The following TTLL7 variants were observed in gnomAD, a reference collection of about 807,000 sequenced individuals.
The protein encoded by TTLL7 is tubulin polyglutamylase TTLL7.
TTLL7 carries 53 observed loss-of-function variants against 120.2 expected under a neutral mutation model. That is an observed-to-expected ratio of 0.44 (90% CI 0.35 to 0.55). The LOEUF is 0.55. Ranked by LOEUF, TTLL7 falls within the 20% of genes least tolerant of loss-of-function variation. The probability of loss-of-function intolerance (pLI) is 0.00; values close to 1 mark genes in which losing one functional copy is unlikely to be tolerated. For synonymous variants in TTLL7, 353 were observed against 351.7 expected, an observed-to-expected ratio of 1.00 and a Z score of -0.04; for missense variants, 803 against 1,054.7, an observed-to-expected ratio of 0.76 and a Z score of 3.31.
At chr1:83,956,145 T>TTA (rs1409470951) in intron 1 of TTLL7, among the ~76,000 whole-genome samples, 2 of 152,126 alleles carry the variant, frequency 1.3e-5, no homozygotes, top group African/African-American at 2.4e-5. Flanking sequence ...TTTATATTGT[T>TTA]TTTTAGAGAC....
intron 1 of TTLL7, among the ~76,000 whole-genome samples, chr1:83,958,712 T>C (rs571727133): frequency 3.9e-5 from 6 of 152,344 alleles, no homozygotes; most frequent in East Asian, 1.9e-4. Context: ...AAATGAAACA[T>C]GCCACTTTTA....
chr1:83,873,019 A>C (rs1478043438), intron 20 of TTLL7, among the ~76,000 whole-genome samples: 2 of 152,194 alleles, frequency 1.3e-5, no homozygotes, highest in Non-Finnish European at 2.9e-5. Flanking sequence ...ACAATTCTAC[A>C]TAATTATCAT....
At position 83,866,192 on chromosome 1, in the gene TTLL7, AC is replaced by A. The variant is rs1652902888; in HGVS notation, c.*3769del. On this transcript the variant is annotated 3_prime_UTR_variant, in exon 21 of 21. Coordinates refer to ENST00000260505, the MANE Select transcript of TTLL7 (RefSeq NM_024686.6). ...AGGTATTTACTATTTTTTAAAGAATACACATTTAAGAATGAATCAATGTTTT... is the reference window on the plus strand; with the variant it reads ...AGGTATTTACTATTTTTTAAAGAATAACATTTAAGAATGAATCAATGTTTT... 1 of 151,898 alleles carries A rather than the reference AC, an allele frequency of 6.6e-6. No individual in the cohort carries two copies. Among genetic ancestry groups the A allele is most frequent in the Non-Finnish European group, 1.5e-5 (1 of 67,798 alleles). The allele number at this position is 151,898 out of a possible 1,614,324, so 9.4% of individuals were successfully genotyped here. A position where few individuals can be genotyped will look rare whatever the true frequency, so the allele number is the denominator to read the frequency against.
intron 20 of TTLL7, among the ~76,000 whole-genome samples, chr1:83,873,781 T>G (rs1653661939): frequency 6.6e-6 from 1 of 152,150 alleles, no homozygotes; most frequent in Admixed American, 6.6e-5. Context: ...CATGACGCAT[T>G]TCAAGACTGA....
intron 1 of TTLL7, among the ~76,000 whole-genome samples, chr1:83,995,181 T>C (rs1010444938): frequency 3.3e-5 from 5 of 152,058 alleles, no homozygotes; most frequent in Non-Finnish European, 7.4e-5. Context: ...ACAGACAAGA[T>C]TGGGTGTTAT....
At chr1:83,885,663 C>T (rs1654910091) in intron 19 of TTLL7, among the ~76,000 whole-genome samples, 1 of 152,008 alleles carries the variant, frequency 6.6e-6, no homozygotes, top group Non-Finnish European at 1.5e-5. Flanking sequence ...ATGAAAGCAA[C>T]CTGCTTCATC....
chr1:83,899,626 T>C (rs1656544828), intron 18 of TTLL7, among the ~76,000 whole-genome samples: 1 of 151,992 alleles, frequency 6.6e-6, no homozygotes, highest in Non-Finnish European at 1.5e-5. Context: ...TAGTGCAAAC[T>C]GTGGGACTTT....
At chr1:83,928,206 A>C (rs192919582) in intron 10 of TTLL7, among the ~76,000 whole-genome samples, 6 of 152,298 alleles carry the variant, frequency 3.9e-5, no homozygotes, top group Admixed American at 3.9e-4. Flanking sequence ...GTAAACTTTC[A>C]TGCAAAAAAC....
intron 14 of TTLL7, among the ~76,000 whole-genome samples, chr1:83,913,327 T>C (rs1657836097): frequency 6.6e-6 from 1 of 152,172 alleles, no homozygotes; most frequent in African/African-American, 2.4e-5. Flanking sequence ...CCCAGCTTAA[T>C]AAAAAGAACA....
At chr1:83,943,037 T>C (rs994582668) in intron 6 of TTLL7, among the ~76,000 whole-genome samples, 2 of 152,220 alleles carry the variant, frequency 1.3e-5, no homozygotes, top group Non-Finnish European at 2.9e-5. Flanking sequence ...GAATGGGCTA[T>C]TCTTACGGTT....
rs34596192 is a variant in TTLL7, at chr1:83,976,033, CTGTGTGTGTGTGTGTGTG to C, written c.-177+22880_-177+22897del. On this transcript the variant is annotated intron_variant, in intron 1 of 20. Coordinates refer to ENST00000260505, the MANE Select transcript of TTLL7 (RefSeq NM_024686.6). ...CTGTGTCCTGAAATTTTGTCTCTCT[CTGTGTGTGTGTGTGTGTG>C]TGTGTGTGTGTGTGTGTGTGTGTGT... 1.1e-4 allele frequency among the ~76,000 whole-genome samples: 16 copies of C among 147,932 alleles called. No individual in the cohort carries two copies. In the East Asian group the frequency reaches 1.6e-3, roughly 15 times the overall value.
At chr1:83,949,775 A>C in intron 4 of TTLL7, 90 bp downstream of exon 4, 1 of 1,429,764 alleles carries the variant, frequency 7.0e-7, no homozygotes, top group Non-Finnish European at 9.7e-7. Flanking sequence ...AAATGTAATA[A>C]GGCAACATAT....
chr1:83,882,340 A>T (rs1039967852), intron 20 of TTLL7, among the ~76,000 whole-genome samples: 2 of 151,466 alleles, frequency 1.3e-5, no homozygotes, highest in African/African-American at 4.8e-5. Flanking sequence ...CTAAAACTAA[A>T]GTTATATTAT....
At chr1:83,969,826 T>C (rs1650814238) in intron 1 of TTLL7, among the ~76,000 whole-genome samples, 1 of 151,958 alleles carries the variant, frequency 6.6e-6, no homozygotes, top group Admixed American at 6.6e-5. Context: ...TGAAGATCTT[T>C]CACTGGTATG....
At chr1:83,938,056 A>T (rs1285435969) in intron 7 of TTLL7, 40 bp from the exon 8 acceptor site, 10 of 1,591,752 alleles carry the variant, frequency 6.3e-6, no homozygotes, top group Non-Finnish European at 7.7e-6. Flanking sequence ...CACCTATGAC[A>T]TCCTAGAACT....
chr1:83,880,147 TA>T (rs947382378), intron 20 of TTLL7: 1 of 152,026 alleles, frequency 6.6e-6, no homozygotes, highest in African/African-American at 2.4e-5. Context: ...TTAAATCATA[TA>T]AAAGTATTAA....
intron 1 of TTLL7, among the ~76,000 whole-genome samples, chr1:83,973,130 T>A (rs951117972): frequency 1.3e-5 from 2 of 152,054 alleles, no homozygotes; most frequent in Non-Finnish European, 2.9e-5. Context: ...GTGTTATAGT[T>A]AAAATGTCAT....
intron 19 of TTLL7, among the ~76,000 whole-genome samples, chr1:83,888,909 C>T (rs1655198781): frequency 6.6e-6 from 1 of 151,884 alleles, no homozygotes; most frequent in Non-Finnish European, 1.5e-5. Context: ...AAACTGGAAA[C>T]AAAAATGCCT....
chr1:83,885,430 C>T (rs1654892709), intron 19 of TTLL7, among the ~76,000 whole-genome samples: 1 of 151,828 alleles, frequency 6.6e-6, no homozygotes, highest in African/African-American at 2.4e-5. Context: ...TTCTGTAACA[C>T]TCTAATCTGA....
Sources: gnomAD v4.1 joint callset for allele counts (sites outside exome capture counted in the v4.1 genomes callset) on GRCh38, gnomAD v4.1.1 for gene constraint, MANE v1.5 for transcripts, NCBI Gene and HGNC (gene_info 2026-07-23, HGNC 2026-07-21) for gene names.